ADAMTS2: variants seen among roughly 807,000 people sequenced by gnomAD.
ADAMTS2 encodes A disintegrin and metalloproteinase with thrombospondin motifs 2.
In ADAMTS2, 50 loss-of-function variants were observed where a neutral mutation model predicts 123.0. That is an observed-to-expected ratio of 0.41 (90% confidence interval 0.32 to 0.51). The LOEUF (loss-of-function observed/expected upper bound fraction) is 0.51, where lower values mean the gene tolerates loss of function less well. ADAMTS2 is among the 20% of genes least tolerant of loss of function. ADAMTS2 has a pLI of 0.35. For missense variants in ADAMTS2, 1,494 were observed against 1,705.2 expected (o/e 0.88, Z 2.18); for synonymous variants, 678 against 695.4 (o/e 0.98, Z 0.39).
At chr5:179,324,032 A>C (rs991074400) in intron 2 of ADAMTS2, among the ~76,000 whole-genome samples, 3 of 152,250 alleles carry the variant, frequency 2.0e-5, no homozygotes, top group Non-Finnish European at 4.4e-5. Context: ...GAGTGAAAGA[A>C]GCCAGACACA....
chr5:179,341,388 GA>G, intron 2 of ADAMTS2: 1 of 358,866 alleles, frequency 2.8e-6, no homozygotes, highest in South Asian at 2.1e-5. Flanking sequence ...AAAGAGAAGA[GA>G]AGAGAAAGAG....
rs1302999165 is a variant in ADAMTS2 at position 179,208,608 on chromosome 5, C to T, written c.689-893G>A. Among the ~76,000 whole-genome samples, 4 of 152,150 alleles carry T rather than the reference C, an allele frequency of 2.6e-5. No homozygotes were observed. In the East Asian group the frequency reaches 7.7e-4, roughly 29 times the overall value. ...TCTGCTGTGTTCTGTGTCCTGCGGG[C>T]CTGGAGACCACCCTGGACCAGGCTT... On this transcript the variant is annotated intron_variant, in intron 3 of 21. Coordinates refer to ENST00000251582, the MANE Select transcript of ADAMTS2 (RefSeq NM_014244.5).
At chr5:179,157,921 A>G (rs944042751) in intron 6 of ADAMTS2, among the ~76,000 whole-genome samples, 4 of 151,466 alleles carry the variant, frequency 2.6e-5, no homozygotes, top group African/African-American at 7.3e-5. Context: ...ATGTGCTACT[A>G]TTTATCAGTT....
At chr5:179,251,449 G>A (rs1581220776) in intron 3 of ADAMTS2, among the ~76,000 whole-genome samples, 1 of 152,120 alleles carries the variant, frequency 6.6e-6, no homozygotes, top group African/African-American at 2.4e-5. Flanking sequence ...GCCAGTGCCT[G>A]AGGGGTCTGC....
chr5:179,315,216 G>A (rs940733065), intron 2 of ADAMTS2, among the ~76,000 whole-genome samples: 12 of 50,444 alleles, frequency 2.4e-4, no homozygotes, highest in African/African-American at 4.6e-4. Context: ...CGTCCACGTC[G>A]CCATGGACAA....
rs557335343 is a variant in ADAMTS2 at position 179,205,794 on chromosome 5, C to T, written c.891+1719G>A. ...ATTATTATTATTATTATTTTTGAGACGGAGTCTCGCTCTGTCACTGAGGCT... is the reference window on the plus strand; with the variant it reads ...ATTATTATTATTATTATTTTTGAGATGGAGTCTCGCTCTGTCACTGAGGCT... On this transcript the variant is annotated intron_variant, in intron 4 of 21. Transcript: ENST00000251582. Among the ~76,000 whole-genome samples, 22 of 66,636 alleles carry T rather than the reference C, an allele frequency of 3.3e-4. No homozygotes were observed. In the East Asian group the frequency reaches 8.0e-3, roughly 24 times the overall value. 43.7% of individuals were successfully genotyped at this position (66,636 alleles called of 152,430 possible).
chr5:179,244,318 C>G (rs1454706832), intron 3 of ADAMTS2, among the ~76,000 whole-genome samples: 1 of 147,230 alleles, frequency 6.8e-6, no homozygotes, highest in Non-Finnish European at 1.5e-5. Flanking sequence ...AGTGGGATTT[C>G]CAGCCGACTT....
chr5:179,184,972 A>C (rs1017506151), intron 4 of ADAMTS2, among the ~76,000 whole-genome samples: 1 of 152,160 alleles, frequency 6.6e-6, no homozygotes, highest in African/African-American at 2.4e-5. Flanking sequence ...ATGTCATGAG[A>C]CCTGAGAAAC....
Position 179,122,778 on chromosome 5 carries a change from A to G in ADAMTS2, c.2959-5T>C. 6.4e-7 allele frequency: 1 copy of G among 1,555,058 alleles called. No homozygotes were observed. The highest frequency in any genetic ancestry group is 8.7e-7 in the Non-Finnish European group (1 of 1,149,686). ...GTTGCCACAGGTTACTGAGCACTGC[A>G]GGGGGAGAGTCGCCAGGCAGGGTTC... On this transcript the variant is annotated splice_region_variant and splice_polypyrimidine_tract_variant and intron_variant, in intron 19 of 21. Coordinates refer to ENST00000251582, the MANE Select transcript of ADAMTS2 (RefSeq NM_014244.5).
At chr5:179,137,702 G>GCCCC in intron 12 of ADAMTS2, 67 bp downstream of exon 12, 2 of 1,510,850 alleles carry the variant, frequency 1.3e-6, no homozygotes, top group Non-Finnish European at 1.8e-6. Context: ...AGAGGCACAA[G>GCCCC]CCCCCACCCT....
chr5:179,153,937 T>TA (rs1318482067), intron 8 of ADAMTS2, 112 bp downstream of exon 8: 1 of 1,425,620 alleles, frequency 7.0e-7, no homozygotes, highest in East Asian at 2.5e-5. Flanking sequence ...CACACAAGCT[T>TA]AGAGGACCTG....
chr5:179,215,928 C>T (rs888252079), intron 3 of ADAMTS2, among the ~76,000 whole-genome samples: 5 of 152,148 alleles, frequency 3.3e-5, no homozygotes, highest in Admixed American at 2.0e-4. Context: ...ATTCTGCATC[C>T]AGACACATTC....
intron 2 of ADAMTS2, among the ~76,000 whole-genome samples, chr5:179,299,482 TCACAC>T (rs1355360256): frequency 7.1e-6 from 1 of 141,836 alleles, no homozygotes; most frequent in Non-Finnish European, 1.5e-5. Context: ...TGAGCCAAGA[TCACAC>T]CACAGCACTC....
chr5:179,207,289 T>C (rs1764719968), intron 4 of ADAMTS2, among the ~76,000 whole-genome samples: 2 of 152,174 alleles, frequency 1.3e-5, no homozygotes, highest in Non-Finnish European at 2.9e-5. Flanking sequence ...CCTCACCAAG[T>C]TACCATCACC....
chr5:179,135,802 A>G, intron 13 of ADAMTS2, 107 bp downstream of exon 13: 2 of 1,519,668 alleles, frequency 1.3e-6, no homozygotes, highest in East Asian at 2.3e-5. Context: ...GACACTTCGT[A>G]TGCTTCACCT....
In ADAMTS2 at chr5:179,121,678, A is replaced by T. The variant is rs1306958332; in HGVS notation, c.3161T>A (p.Ile1054Asn). The T allele has an allele frequency of 1.3e-6, 2 of 1,599,816 alleles. No homozygotes were observed. The highest frequency in any genetic ancestry group is 1.7e-6 in the Non-Finnish European group (2 of 1,173,176). Residue 1054 changes from isoleucine to asparagine, a missense_variant, in exon 21 of 22, where the codon ATC becomes AAC. By Grantham distance (149) the Ile-to-Asn change is moderately radical. Transcript: ENST00000251582. ...TCGGTTACTTGACGAGATCTTCCGG[A>T]TGGGCGAGTCGGGGTCCGGGCGGGA... Reference protein sequence around the residue: ...WLSRPDPDSPIRKISSKGHCQ... With the variant: ...WLSRPDPDSPNRKISSKGHCQ...
chr5:179,130,325 C>A lies in ADAMTS2; in HGVS notation c.2291-227G>T, dbSNP rs549107564. Among the ~76,000 whole-genome samples the A allele has an allele frequency of 6.6e-6, 1 of 152,174 alleles. No homozygotes were observed. The highest frequency in any genetic ancestry group is 1.5e-5 in the Non-Finnish European group (1 of 68,034). ...ATTACCCTCCACTCGCATCCTCTGC[C>A]CCCACCAGCCCTGGAGGTGCCGGCT... On this transcript the variant is annotated intron_variant, in intron 15 of 21. Transcript: ENST00000251582. This position sits in a 1 kb window ranked among gnomAD's most constrained non-coding sequence, Gnocchi z 4.3.
intron 4 of ADAMTS2, among the ~76,000 whole-genome samples, chr5:179,192,309 T>TG (rs1188871967): frequency 5.9e-5 from 9 of 152,354 alleles, no homozygotes; most frequent in African/African-American, 2.2e-4. Context: ...AAGGGTCGTC[T>TG]GCTGCCAGCG....
At position 179,285,083 on chromosome 5, in the gene ADAMTS2, C is replaced by T. The variant is rs917063263; in HGVS notation, c.535-12019G>A. Among the ~76,000 whole-genome samples the T allele has an allele frequency of 7.9e-5, 12 of 152,100 alleles. No individual in the cohort carries two copies. The highest frequency in any genetic ancestry group is 1.5e-4 in the Non-Finnish European group (10 of 68,030). On this transcript the variant is annotated intron_variant, in intron 2 of 21. Transcript: ENST00000251582. The surrounding 1 kb of genome is among the most constrained non-coding windows in gnomAD (Gnocchi z 4.9). ...TGCGTCTCTAGCACTGGGCACAGCACGTGATAAATCAGCCGACTGGCAGCA... is the reference window on the plus strand; with the variant it reads ...TGCGTCTCTAGCACTGGGCACAGCATGTGATAAATCAGCCGACTGGCAGCA...
Sources: gnomAD v4.1 joint callset for allele counts (sites outside exome capture counted in the v4.1 genomes callset) on GRCh38, gnomAD v4.1.1 for gene constraint, Gnocchi (gnomAD v3.1) non-coding constraint, MANE v1.5 for transcripts, NCBI Gene and HGNC (gene_info 2026-07-23, HGNC 2026-07-21) for gene names.